Variants in CNTN4 observed in about 807,000 individuals in gnomAD.
CNTN4 encodes contactin-4.
Under a neutral mutation model 122.5 loss-of-function variants are expected in CNTN4, and 77 were observed. That is an observed-to-expected ratio of 0.63 (90% CI 0.52 to 0.76). CNTN4 has a LOEUF of 0.76. Among genes scored for constraint, CNTN4 ranks in the 30% least tolerant of loss-of-function variants. The pLI, the probability that CNTN4 is intolerant of heterozygous loss-of-function variation, is 0.00. For synonymous variants in CNTN4, 512 were observed against 447.0 expected (o/e 1.15, Z -1.83); for missense variants, 1,256 against 1,259.1 (o/e 1.00, Z 0.04).
At chr3:2,917,249 C>G (rs1431372841) in intron 12 of CNTN4, among the ~76,000 whole-genome samples, 1 of 151,740 alleles carries the variant, frequency 6.6e-6, no homozygotes, top group Non-Finnish European at 1.5e-5. Flanking sequence ...GAGATGGCAG[C>G]AGCACAGTCC....
intron 3 of CNTN4, among the ~76,000 whole-genome samples, chr3:2,451,337 A>G (rs1473583693): frequency 2.0e-5 from 3 of 151,974 alleles, no homozygotes; most frequent in Admixed American, 2.0e-4. Context: ...TTGTAGGATT[A>G]TACAATCTGG....
chr3:2,365,282 C>A (rs2045331489), intron 3 of CNTN4, among the ~76,000 whole-genome samples: 1 of 152,124 alleles, frequency 6.6e-6, no homozygotes, highest in Non-Finnish European at 1.5e-5. Context: ...CTGCCTGAAA[C>A]ACAGCTCCTC....
At chr3:2,956,248 G>A (rs1479397294) in intron 13 of CNTN4, among the ~76,000 whole-genome samples, 1 of 152,126 alleles carries the variant, frequency 6.6e-6, no homozygotes, top group Non-Finnish European at 1.5e-5. Flanking sequence ...AATGGATAGA[G>A]ACAGAAAGTA....
chr3:2,311,116 A>G (rs536111117), intron 2 of CNTN4, among the ~76,000 whole-genome samples: 1 of 152,132 alleles, frequency 6.6e-6, no homozygotes, highest in East Asian at 1.9e-4. Context: ...CTGAAATAAC[A>G]TTAATGTCTT....
intron 4 of CNTN4, among the ~76,000 whole-genome samples, chr3:2,731,177 C>T (rs1013086970): frequency 1.3e-5 from 2 of 151,988 alleles, no homozygotes; most frequent in Non-Finnish European, 2.9e-5. Context: ...AGCCCAGAGA[C>T]ACTATGTTTT....
At chr3:2,651,159 T>C (rs1325635931) in intron 4 of CNTN4, among the ~76,000 whole-genome samples, 1 of 152,178 alleles carries the variant, frequency 6.6e-6, no homozygotes, top group African/African-American at 2.4e-5. Context: ...AGGGTAAAGA[T>C]TCAAGAGTGG....
intron 16 of CNTN4, among the ~76,000 whole-genome samples, 185 bp downstream of exon 16, chr3:3,031,160 G>T (rs76907304): frequency 3.9e-5 from 6 of 152,330 alleles, no homozygotes; most frequent in African/African-American, 1.4e-4. Flanking sequence ...AGTGCGGCTT[G>T]TCAGAAAATG....
At chr3:2,238,744 T>TTTTTTTTTTTTTTTTCTC (rs1553606676) in intron 2 of CNTN4, 1 of 79,474 alleles carries the variant, frequency 1.3e-5, no homozygotes, top group Non-Finnish European at 3.0e-5. Flanking sequence ...TGTTTTTTTT[T>TTTTTTTTTTTTTTTTCTC]TGAGACGGAG....
chr3:2,165,505 C>G (rs1022781966), intron 2 of CNTN4, among the ~76,000 whole-genome samples: 6 of 149,706 alleles, frequency 4.0e-5, no homozygotes. Context: ...CATCACCTCA[C>G]ATAGTTACCT....
chr3:2,628,376 C>A (rs2082290257), intron 4 of CNTN4, among the ~76,000 whole-genome samples: 1 of 152,138 alleles, frequency 6.6e-6, no homozygotes, highest in Admixed American at 6.5e-5. Context: ...AGTAGGACAC[C>A]TTAAGGGAAA....
intron 3 of CNTN4, among the ~76,000 whole-genome samples, chr3:2,367,809 C>G (rs1391288817): frequency 1.3e-5 from 2 of 151,826 alleles, no homozygotes; most frequent in Non-Finnish European, 2.9e-5. Context: ...GGAGAGAATC[C>G]ATTGAAACTT....
At chr3:2,342,851 A>G (rs1213529432) in intron 3 of CNTN4, among the ~76,000 whole-genome samples, 1 of 152,210 alleles carries the variant, frequency 6.6e-6, no homozygotes, top group East Asian at 1.9e-4. Flanking sequence ...ACTAATATAC[A>G]TGTATAAGAA....
At chr3:2,367,546 CAG>C (rs536829214) in intron 3 of CNTN4, among the ~76,000 whole-genome samples, 181 of 152,204 alleles carry the variant, frequency 1.2e-3, no homozygotes, top group Non-Finnish European at 2.1e-3. Context: ...TTTTTTGAGA[CAG>C]AGTTTTGCTC....
intron 6 of CNTN4, among the ~76,000 whole-genome samples, chr3:2,776,274 CTT>C (rs10575193): frequency 1.1e-3 from 150 of 134,198 alleles, no homozygotes; most frequent in African/African-American, 4.1e-3. Flanking sequence ...ATAAGTGTTT[CTT>C]TTTTTTTTTT....
intron 3 of CNTN4, among the ~76,000 whole-genome samples, chr3:2,448,865 C>T (rs2048722683): frequency 6.6e-6 from 1 of 152,204 alleles, no homozygotes; most frequent in East Asian, 1.9e-4. Flanking sequence ...AGGAAAGCAT[C>T]GTGTGAATGA....
chr3:2,690,481 T>G (rs2728022), intron 4 of CNTN4, among the ~76,000 whole-genome samples: 120,031 of 152,080 alleles, frequency 0.79, 47,507 homozygotes, highest in East Asian at 0.83. Flanking sequence ...TCAATAAGTG[T>G]GGTAATAATG....
chr3:2,647,862 T>G lies in CNTN4; in HGVS notation c.55+76304T>G, dbSNP rs144080265. 7.7e-4 allele frequency among the ~76,000 whole-genome samples: 117 copies of G among 152,356 alleles called. 1 individual carries two copies. Among genetic ancestry groups the G allele is most frequent in the Admixed American group, 1.5e-3 (23 of 15,302 alleles). ...ATGGTCATTGTTAGTTTACAGTTACTAATATTAAATGGCTTTAGTGGTCAC... is the reference window on the plus strand; with the variant it reads ...ATGGTCATTGTTAGTTTACAGTTACGAATATTAAATGGCTTTAGTGGTCAC... On this transcript the variant is annotated intron_variant, in intron 4 of 24. Transcript: ENST00000418658.
intron 15 of CNTN4, among the ~76,000 whole-genome samples, chr3:3,027,416 T>A (rs1698819997): frequency 6.6e-6 from 1 of 152,130 alleles, no homozygotes; most frequent in African/African-American, 2.4e-5. Flanking sequence ...CGTAAACCAT[T>A]CTGGACCTCT....
At chr3:2,793,732 A>G (rs1017088374) in intron 6 of CNTN4, among the ~76,000 whole-genome samples, 2 of 152,180 alleles carry the variant, frequency 1.3e-5, no homozygotes, top group Admixed American at 6.5e-5. Flanking sequence ...CATGCTACCT[A>G]GGAAAAATAA....
Sources: gnomAD v4.1 joint callset for allele counts (sites outside exome capture counted in the v4.1 genomes callset) on GRCh38, gnomAD v4.1.1 for gene constraint, MANE v1.5 for transcripts, NCBI Gene and HGNC (gene_info 2026-07-23, HGNC 2026-07-21) for gene names.